The following RELB variants were observed in gnomAD, a reference collection of about 807,000 sequenced individuals.
The protein encoded by RELB is transcription factor RelB.
RELB carries 14 observed loss-of-function variants against 55.4 expected under a neutral mutation model. That is an observed-to-expected ratio of 0.25 (90% CI 0.17 to 0.40). RELB has a LOEUF of 0.40. RELB is among the 10% of genes least tolerant of loss of function. The pLI is 1.00. For synonymous variants in RELB, 409 were observed against 371.3 expected, an observed-to-expected ratio of 1.10 and a Z score of -1.17; for missense variants, 669 against 830.7, an observed-to-expected ratio of 0.81 and a Z score of 2.39.
intron 6 of RELB, 46 bp downstream of exon 6, chr19:45,025,466 C>T (rs767295232): frequency 6.3e-7 from 1 of 1,579,118 alleles, no homozygotes; most frequent in Non-Finnish European, 8.6e-7. Context: ...TCCCAAACCC[C>T]TTGACTTCCG....
In RELB at chr19:45,001,678, G is replaced by A; in HGVS notation, c.99G>A (p.Gly33=). ...VARPPAAPEL[G]ALGSPDLSSL... is the part of the protein sequence containing the mutation. Reference sequence around the variant, plus strand: ...GACCGCCGGCTGCGCCGGAGCTGGGGGCCTTAGGTAAGCGGGGCTGGGGTT... The same window carrying A: ...GACCGCCGGCTGCGCCGGAGCTGGGAGCCTTAGGTAAGCGGGGCTGGGGTT... Residue 33 remains glycine (G), a synonymous_variant, in exon 1 of 12, where the codon GGG becomes GGA. Coordinates refer to ENST00000221452, the MANE Select transcript of RELB (RefSeq NM_006509.4). 5.3e-6 allele frequency: 8 copies of A among 1,522,054 alleles called. No homozygotes were observed. Among genetic ancestry groups the A allele is most frequent in the Non-Finnish European group, 2.6e-6 (3 of 1,140,626 alleles). 94.3% of individuals were successfully genotyped at this position (1,522,054 alleles called of 1,614,324 possible). A position where few individuals can be genotyped will look rare whatever the true frequency, so the allele number is the denominator to read the frequency against.
At chr19:45,028,510 T>A (rs1971583951) in intron 7 of RELB, among the ~76,000 whole-genome samples, 1 of 151,824 alleles carries the variant, frequency 6.6e-6, no homozygotes, top group African/African-American at 2.4e-5. Flanking sequence ...ATTTTTGTAT[T>A]TTTAGTAGAG....
intron 8 of RELB, among the ~76,000 whole-genome samples, chr19:45,030,830 C>T (rs1971612048): frequency 6.6e-6 from 1 of 152,110 alleles, no homozygotes; most frequent in African/African-American, 2.4e-5. Flanking sequence ...GAAACTGGTT[C>T]CAGAGATATC....
At chr19:45,020,137 T>C (rs1971465784) in intron 4 of RELB, among the ~76,000 whole-genome samples, 1 of 152,132 alleles carries the variant, frequency 6.6e-6, no homozygotes, top group African/African-American at 2.4e-5. Flanking sequence ...TTACATATAA[T>C]GTATACATAT....
intron 4 of RELB, among the ~76,000 whole-genome samples, chr19:45,021,369 G>A (rs1971485336): frequency 6.6e-6 from 1 of 150,942 alleles, no homozygotes; most frequent in Non-Finnish European, 1.5e-5. Flanking sequence ...AGCTACTCGG[G>A]AGGCTGAGGC....
intron 8 of RELB, among the ~76,000 whole-genome samples, chr19:45,029,796 G>A (rs914881258): frequency 5.9e-5 from 9 of 152,002 alleles, no homozygotes; most frequent in African/African-American, 2.2e-4. Context: ...GTTTCAGTGA[G>A]CCGAGATCAC....
intron 9 of RELB, among the ~76,000 whole-genome samples, chr19:45,033,114 A>C (rs1971645466): frequency 6.6e-6 from 1 of 152,174 alleles, no homozygotes; most frequent in Admixed American, 6.6e-5. Flanking sequence ...GATAGGGGAC[A>C]GCCTGTCCCT....
In RELB at chr19:45,011,924, C is replaced by A. The variant is rs369429676; in HGVS notation, c.164-12C>A. On this transcript the variant is annotated splice_polypyrimidine_tract_variant and intron_variant, in intron 3 of 11. Coordinates refer to ENST00000221452, the MANE Select transcript of RELB (RefSeq NM_006509.4). ...GAATGGGCGTCACCACCCGTTTTTT[C>A]TTCTCCCGCAGAGATCATCGACGAG... 5.6e-6 allele frequency: 7 copies of A among 1,239,452 alleles called. No homozygotes were observed. The highest frequency in any genetic ancestry group is 3.7e-5 in the East Asian group (1 of 26,916). The allele number at this position is 1,239,452 out of a possible 1,614,324, so 76.8% of individuals were successfully genotyped here.
chr19:45,037,408 C>T lies in RELB; in HGVS notation c.1358C>T (p.Pro453Leu), dbSNP rs759550740. 4.5e-6 allele frequency: 7 copies of T among 1,567,710 alleles called. No individual in the cohort carries two copies. Among genetic ancestry groups the T allele is most frequent in the East Asian group, 2.3e-5 (1 of 44,256 alleles). Reference protein sequence around the residue: ...DHFLPNHGSGPFLPPSALLPD... With the variant: ...DHFLPNHGSGLFLPPSALLPD... ...TCTCTTGTCTTCATCCCCGTAGGCC[C>T]GTTCCTCCCGCCGTCAGCCCTGCTG... Residue 453 changes from proline to leucine, a missense_variant, in exon 12 of 12, where the codon CCG becomes CTG. Transcript: ENST00000221452.
At chr19:45,029,683 T>C (rs1484002337) in intron 8 of RELB, among the ~76,000 whole-genome samples, 3 of 151,772 alleles carry the variant, frequency 2.0e-5, no homozygotes, top group Admixed American at 2.0e-4. Context: ...ACCCCATCTC[T>C]ACTAAAAAAC....
chr19:45,015,750 A>G (rs1043689204), intron 4 of RELB, among the ~76,000 whole-genome samples: 1 of 151,544 alleles, frequency 6.6e-6, no homozygotes, highest in African/African-American at 2.4e-5. Context: ...AAAAAAAGAA[A>G]AAAGAAACAA....
intron 2 of RELB, among the ~76,000 whole-genome samples, chr19:45,005,626 C>CA (rs545252235): frequency 7.6e-4 from 116 of 152,118 alleles, no homozygotes; most frequent in African/African-American, 2.6e-3. Flanking sequence ...TTTTTTGAGA[C>CA]AGAGTCTCGC....
chr19:45,009,847 G>A (rs763211096), intron 3 of RELB, 25 bp downstream of exon 3: 33 of 1,598,580 alleles, frequency 2.1e-5, no homozygotes, highest in South Asian at 1.4e-4. Flanking sequence ...GCAGGTTTGC[G>A]GGGAGGCTGA....
chr19:45,029,702 G>C (rs1417120341), intron 8 of RELB, among the ~76,000 whole-genome samples: 1 of 151,630 alleles, frequency 6.6e-6, no homozygotes, highest in Non-Finnish European at 1.5e-5. Context: ...ACACAAAAAT[G>C]AGCTGGTTGT....
At chr19:45,019,379 T>G (rs1461825734) in intron 4 of RELB, among the ~76,000 whole-genome samples, 1 of 152,088 alleles carries the variant, frequency 6.6e-6, no homozygotes, top group Admixed American at 6.6e-5. Context: ...ATTGTTTTTT[T>G]GATGACTCAT....
At chr19:45,030,502 C>T (rs34153678) in intron 8 of RELB, among the ~76,000 whole-genome samples, 1 of 151,982 alleles carries the variant, frequency 6.6e-6, no homozygotes, top group African/African-American at 2.4e-5. Flanking sequence ...TGTGGTGGAA[C>T]ACACCTGTAA....
chr19:45,011,726 C>T (rs1037083923), intron 3 of RELB, among the ~76,000 whole-genome samples: 6 of 146,856 alleles, frequency 4.1e-5, no homozygotes, highest in African/African-American at 1.5e-4. Context: ...GGATTACAGG[C>T]GTGAGCCACC....
chr19:45,007,081 C>T (rs1054638146), intron 2 of RELB, among the ~76,000 whole-genome samples: 4 of 151,882 alleles, frequency 2.6e-5, no homozygotes, highest in African/African-American at 9.7e-5. Context: ...TGACGTTTGA[C>T]CAAGGAACTG....
At chr19:45,020,276 T>C (rs1042792005) in intron 4 of RELB, among the ~76,000 whole-genome samples, 1 of 150,960 alleles carries the variant, frequency 6.6e-6, no homozygotes, top group African/African-American at 2.4e-5. Flanking sequence ...CAGGCTGGAG[T>C]GCAGTGACGC....
Sources: allele counts gnomAD v4.1 joint callset (sites outside exome capture counted in the v4.1 genomes callset), GRCh38; gene constraint gnomAD v4.1.1; transcripts MANE v1.5; gene names NCBI Gene and HGNC (gene_info 2026-07-23, HGNC 2026-07-21).